Variants in AOAH observed in about 807,000 individuals in gnomAD.
AOAH encodes acyloxyacyl hydrolase (neutrophil).
Under a neutral mutation model 92.2 loss-of-function variants are expected in AOAH, and 64 were observed. The ratio of observed to expected loss-of-function variants is 0.69; its 90% CI spans 0.57 to 0.86. The LOEUF is 0.86. Among genes scored for constraint, AOAH ranks in the 40% least tolerant of loss-of-function variants. The pLI is 0.00. For synonymous variants in AOAH, 263 were observed against 254.5 expected, an observed-to-expected ratio of 1.03 and a Z score of -0.32; for missense variants, 656 against 694.6, an observed-to-expected ratio of 0.94 and a Z score of 0.62.
intron 12 of AOAH, among the ~76,000 whole-genome samples, chr7:36,582,526 C>A (rs1310148611): frequency 6.6e-6 from 1 of 152,196 alleles, no homozygotes; most frequent in East Asian, 1.9e-4. Context: ...TTACTCTTCC[C>A]AACATTGGCT....
At chr7:36,552,738 T>G (rs999781453) in intron 13 of AOAH, among the ~76,000 whole-genome samples, 1 of 152,160 alleles carries the variant, frequency 6.6e-6, no homozygotes, top group Admixed American at 6.5e-5. Context: ...CCTCCCCACC[T>G]CTAGTAGTCT....
rs144104866 is a variant in AOAH at position 36,698,562 on chromosome 7, A to G, written c.128-11768T>C. Among the ~76,000 whole-genome samples, 22 of 152,234 alleles carry G rather than the reference A, an allele frequency of 1.4e-4. No homozygotes were observed. The East Asian group carries it at 4.2e-3, about 29-fold the overall frequency. On this transcript the variant is annotated intron_variant, in intron 1 of 20. Coordinates refer to ENST00000617537, the MANE Select transcript of AOAH (RefSeq NM_001637.4). ...TTCTTTTTAATATGTGTTTAAAGTT[A>G]TAAATTTTTCCATAAGCACTGCTTT...
intron 12 of AOAH, among the ~76,000 whole-genome samples, chr7:36,589,081 T>C (rs1789560381): frequency 1.3e-5 from 2 of 152,152 alleles, no homozygotes; most frequent in African/African-American, 4.8e-5. Flanking sequence ...TGCTGCCCTG[T>C]TTTTCATCCT....
intron 19 of AOAH, among the ~76,000 whole-genome samples, chr7:36,526,602 A>C (rs1197750451): frequency 6.6e-6 from 1 of 152,178 alleles, no homozygotes; most frequent in Non-Finnish European, 1.5e-5. Flanking sequence ...ATGAATTCCT[A>C]TTTGTTCTTC....
At chr7:36,685,157 T>C (rs965640943) in intron 2 of AOAH, among the ~76,000 whole-genome samples, 1 of 151,514 alleles carries the variant, frequency 6.6e-6, no homozygotes, top group African/African-American at 2.4e-5. Context: ...ATCAACACCA[T>C]CCAGACTGTG....
chr7:36,557,646 T>C (rs1786864682), intron 13 of AOAH, among the ~76,000 whole-genome samples: 1 of 152,206 alleles, frequency 6.6e-6, no homozygotes, highest in Non-Finnish European at 1.5e-5. Flanking sequence ...TTTGGTCTTT[T>C]CACATAGTCC....
intron 1 of AOAH, chr7:36,690,041 G>A (rs1157805586): frequency 1.2e-5 from 4 of 346,762 alleles, no homozygotes; most frequent in East Asian, 8.8e-5. Flanking sequence ...TGGCTTAGAA[G>A]GATAAATGCA....
intron 6 of AOAH, 99 bp from the exon 7 acceptor site, chr7:36,623,349 G>T: frequency 9.3e-7 from 1 of 1,070,024 alleles, no homozygotes; most frequent in Non-Finnish European, 1.4e-6. Flanking sequence ...GCTCTGTTGA[G>T]TTTATGCCAC....
intron 11 of AOAH, 141 bp downstream of exon 11, chr7:36,616,239 T>C (rs973181630): frequency 1.8e-5 from 12 of 659,292 alleles, no homozygotes; most frequent in East Asian, 7.0e-5. Flanking sequence ...CTGAAATGAC[T>C]GTGGATATGC....
chr7:36,582,646 T>C (rs944561006), intron 12 of AOAH, among the ~76,000 whole-genome samples: 1 of 152,134 alleles, frequency 6.6e-6, no homozygotes, highest in Non-Finnish European at 1.5e-5. Flanking sequence ...AAGAGTAATG[T>C]AGACAAATTA....
intron 20 of AOAH, among the ~76,000 whole-genome samples, chr7:36,519,314 C>G (rs1783989868): frequency 6.6e-6 from 1 of 152,272 alleles, no homozygotes; most frequent in Non-Finnish European, 1.5e-5. Context: ...CGCTTTCTTT[C>G]ATATTCAGGT....
In AOAH at chr7:36,714,004, C is replaced by T. The variant is rs549925481; in HGVS notation, c.127+10018G>A. 2.6e-5 allele frequency among the ~76,000 whole-genome samples: 4 copies of T among 152,090 alleles called. No homozygotes were observed. The South Asian group carries it at 8.3e-4, about 32-fold the overall frequency. ...AGCAGAACTGAAGGAAATAGAGACA[C>T]AAAAAACCCTTCAAAAAATCAATGA... On this transcript the variant is annotated intron_variant, in intron 1 of 20. Transcript: ENST00000617537.
At chr7:36,701,679 G>A (rs1798044881) in intron 1 of AOAH, among the ~76,000 whole-genome samples, 1 of 151,318 alleles carries the variant, frequency 6.6e-6, no homozygotes, top group African/African-American at 2.4e-5. Flanking sequence ...TCAACCTATT[G>A]TGTGTTTGAG....
At chr7:36,576,764 T>C in intron 12 of AOAH, 108 bp from the exon 13 acceptor site, 1 of 528,884 alleles carries the variant, frequency 1.9e-6, no homozygotes, top group East Asian at 3.3e-5. Flanking sequence ...TAAAATGAAC[T>C]CAAAAAATCA....
intron 13 of AOAH, among the ~76,000 whole-genome samples, chr7:36,574,227 G>A (rs1200503103): frequency 1.3e-5 from 2 of 152,126 alleles, no homozygotes; most frequent in Non-Finnish European, 2.9e-5. Flanking sequence ...CATTTCTAAG[G>A]ACTGCAAATT....
chr7:36,651,164 A>G (rs1209597647), intron 4 of AOAH, among the ~76,000 whole-genome samples: 1 of 152,240 alleles, frequency 6.6e-6, no homozygotes, highest in Non-Finnish European at 1.5e-5. Flanking sequence ...CCTGTGTGAC[A>G]GCACTTCTCT....
intron 13 of AOAH, among the ~76,000 whole-genome samples, chr7:36,551,060 T>C (rs1253663358): frequency 6.8e-6 from 1 of 146,784 alleles, no homozygotes; most frequent in African/African-American, 2.5e-5. Flanking sequence ...TGGTAAAATG[T>C]ACATCTCATT....
chr7:36,668,499 T>G (rs1795701622), intron 3 of AOAH, among the ~76,000 whole-genome samples: 1 of 152,188 alleles, frequency 6.6e-6, no homozygotes, highest in African/African-American at 2.4e-5. Flanking sequence ...TTTGTTTGAT[T>G]TCTTGGAGGC....
intron 13 of AOAH, among the ~76,000 whole-genome samples, chr7:36,563,147 C>CAAAAAAAAAAAA (rs60240330): frequency 2.8e-5 from 1 of 36,052 alleles, no homozygotes; most frequent in African/African-American, 9.5e-5. Flanking sequence ...AACTCCGTCT[C>CAAAAAAAAAAAA]AAAAAAAAAA....
Sources: gnomAD v4.1 joint callset for allele counts (sites outside exome capture counted in the v4.1 genomes callset) on GRCh38, gnomAD v4.1.1 for gene constraint, MANE v1.5 for transcripts, NCBI Gene and HGNC (gene_info 2026-07-23, HGNC 2026-07-21) for gene names.